FBXO34: variants seen among roughly 807,000 people sequenced by gnomAD.
FBXO34 encodes F-box protein 34.
FBXO34 carries 12 observed loss-of-function variants against 24.5 expected under a neutral mutation model. The observed-to-expected ratio is 0.49, with a 90% CI of 0.31 to 0.79. The LOEUF (loss-of-function observed/expected upper bound fraction) is 0.79, where lower values mean the gene tolerates loss of function less well. Ranked by LOEUF, FBXO34 falls within the 30% of genes least tolerant of loss-of-function variation. The pLI is 0.04. For synonymous variants in FBXO34, 320 were observed against 311.9 expected (o/e 1.03, Z -0.27); for missense variants, 823 against 857.7 (o/e 0.96, Z 0.51).
At chr14:55,433,564 C>G in the FBXO34 span, 2 of 1,466,442 alleles carry the variant, frequency 1.4e-6, no homozygotes, top group Non-Finnish European at 1.9e-6. Flanking sequence ...CACATTAATT[C>G]TATGCTTCCT....
chr14:55,349,938 A>C (rs913297991), intron 1 of FBXO34, among the ~76,000 whole-genome samples: 5 of 152,114 alleles, frequency 3.3e-5, no homozygotes, highest in African/African-American at 1.2e-4. Context: ...GCTGTTTGCA[A>C]CTAATAAAAT....
chr14:55,387,084 G>GC, the FBXO34 span, among the ~76,000 whole-genome samples: 1 of 151,854 alleles, frequency 6.6e-6, no homozygotes, highest in South Asian at 2.1e-4. Flanking sequence ...CCAACACTCT[G>GC]CCTATCTCCA....
In FBXO34 at chr14:55,348,493, G is replaced by A. The variant is rs946326963; in HGVS notation, c.-10-1888G>A. Among the ~76,000 whole-genome samples, 8 of 152,040 alleles carry A rather than the reference G, an allele frequency of 5.3e-5. No homozygotes were observed. In the South Asian group the frequency reaches 6.2e-4, roughly 12 times the overall value. ...TGGACAGCTCAGTGTATTCATCCTC[G>A]TTTGCTCCACATTTACTGAGTGCCT... On this transcript the variant is annotated intron_variant, in intron 1 of 1. Transcript: ENST00000313833.
chr14:55,323,218 A>ATATATGT (rs1405231374), intron 1 of FBXO34, among the ~76,000 whole-genome samples: 1 of 31,630 alleles, frequency 3.2e-5, no homozygotes, highest in South Asian at 1.4e-3. Context: ...AAAAAAAAAA[A>ATATATGT]ATATATATTT....
chr14:55,346,155 A>G (rs552205554), intron 1 of FBXO34, among the ~76,000 whole-genome samples: 1 of 152,302 alleles, frequency 6.6e-6, no homozygotes, highest in Non-Finnish European at 1.5e-5. Context: ...GGCTTTCACT[A>G]CCTAGTCTAG....
chr14:55,298,239 A>G (rs558692954), intron 1 of FBXO34, among the ~76,000 whole-genome samples: 2 of 151,968 alleles, frequency 1.3e-5, no homozygotes, highest in Admixed American at 1.3e-4. Flanking sequence ...AAGCTCATCA[A>G]ATATCGTTAG....
At chr14:55,426,615 C>A in the FBXO34 span, among the ~76,000 whole-genome samples, 343 of 151,974 alleles carry the variant, frequency 2.3e-3, 2 homozygotes, top group African/African-American at 7.6e-3. Flanking sequence ...TAATCCATAA[C>A]CTGAGGCTGA....
the FBXO34 span, chr14:55,435,842 GT>G: frequency 6.5e-7 from 1 of 1,544,618 alleles, no homozygotes; most frequent in Admixed American, 2.3e-5. Context: ...ACTGAGAAAT[GT>G]TACCTTTGGG....
At chr14:55,285,349 A>G (rs1000728002) in intron 1 of FBXO34, 1 of 152,096 alleles carries the variant, frequency 6.6e-6, no homozygotes, top group African/African-American at 2.4e-5. Context: ...CAGCCTGGGC[A>G]ACAAGAGCGA....
chr14:55,418,684 A>G, the FBXO34 span, among the ~76,000 whole-genome samples: 31 of 152,320 alleles, frequency 2.0e-4, no homozygotes, highest in Admixed American at 1.8e-3. Flanking sequence ...CTCAGCAACA[A>G]TGACACAACT....
chr14:55,406,329 G>C, the FBXO34 span, among the ~76,000 whole-genome samples: 1 of 152,166 alleles, frequency 6.6e-6, no homozygotes, highest in Non-Finnish European at 1.5e-5. Context: ...AAAATCAGAG[G>C]TTAAACAAGG....
the FBXO34 span, among the ~76,000 whole-genome samples, chr14:55,421,457 C>T: frequency 5.3e-3 from 801 of 152,186 alleles, 10 homozygotes; most frequent in African/African-American, 0.018. Context: ...CAAGCTTTCC[C>T]CACTTTGTTT....
chr14:55,291,012 A>T (rs1014381558), intron 1 of FBXO34, among the ~76,000 whole-genome samples: 2 of 151,302 alleles, frequency 1.3e-5, no homozygotes, highest in Non-Finnish European at 2.9e-5. Context: ...TTTAGTAGAG[A>T]CAGGGGGTTT....
At position 55,351,518 on chromosome 14, in the gene FBXO34, G is replaced by A. The variant is rs1377483411; in HGVS notation, c.1128G>A (p.Leu376=). 6.2e-7 allele frequency: 1 copy of A among 1,614,184 alleles called. No individual in the cohort carries two copies. Among genetic ancestry groups the A allele is most frequent in the East Asian group, 2.2e-5 (1 of 44,886 alleles). Residue 376 remains leucine (L), a synonymous_variant, in exon 2 of 2, where the codon TTG becomes TTA. Coordinates refer to ENST00000313833, the MANE Select transcript of FBXO34 (RefSeq NM_017943.4). ...WDGASQDCPP[L]PAGVSFHIDS... ...GTGCTTCTCAGGACTGCCCCCCATT[G>A]CCAGCAGGAGTGAGTTTCCACATAG...
At chr14:55,325,431 T>G (rs1390302691) in intron 1 of FBXO34, among the ~76,000 whole-genome samples, 2 of 152,150 alleles carry the variant, frequency 1.3e-5, no homozygotes, top group Non-Finnish European at 2.9e-5. Context: ...GTCTAACATG[T>G]TTATTTTCTT....
intron 3 of FBXO34, among the ~76,000 whole-genome samples, chr14:55,360,689 C>G (rs953277902): frequency 2.0e-5 from 3 of 152,042 alleles, no homozygotes; most frequent in Non-Finnish European, 4.4e-5. Flanking sequence ...GGATTGTAAG[C>G]CAAACTCCTG....
the FBXO34 span, chr14:55,433,716 A>C: frequency 6.2e-7 from 1 of 1,614,072 alleles, no homozygotes. Flanking sequence ...TGACAGCAGC[A>C]AACCTCTATA....
the FBXO34 span, among the ~76,000 whole-genome samples, chr14:55,422,733 G>T: frequency 6.6e-6 from 1 of 152,176 alleles, no homozygotes; most frequent in African/African-American, 2.4e-5. Flanking sequence ...TGTGCCTGTA[G>T]TCTCAGCTAC....
chr14:55,339,382 C>CCG (rs151227947), intron 1 of FBXO34: 18,629 of 141,216 alleles, frequency 0.13, 1,918 homozygotes, highest in South Asian at 0.17. Context: ...TCACCTGCCC[C>CCG]CCCCCCCAAT....
Sources: gnomAD v4.1 joint callset for allele counts (sites outside exome capture counted in the v4.1 genomes callset) on GRCh38, gnomAD v4.1.1 for gene constraint, MANE v1.5 for transcripts, NCBI Gene and HGNC (gene_info 2026-07-23, HGNC 2026-07-21) for gene names.